Variants in MAN2A2 observed in about 807,000 individuals in gnomAD.
The protein encoded by MAN2A2 is alpha-mannosidase 2x.
In MAN2A2, 79 loss-of-function variants were observed where a neutral mutation model predicts 126.8. That is an observed-to-expected ratio of 0.62 (90% confidence interval 0.52 to 0.75). The LOEUF (loss-of-function observed/expected upper bound fraction) is 0.75, where lower values mean the gene tolerates loss of function less well. MAN2A2 is among the 30% of genes least tolerant of loss of function. MAN2A2 has a pLI of 0.00. For missense variants in MAN2A2, 1,392 were observed against 1,522.4 expected, an observed-to-expected ratio of 0.91 and a Z score of 1.43; for synonymous variants, 671 against 618.7, an observed-to-expected ratio of 1.08 and a Z score of -1.25.
Position 90,907,322 on chromosome 15 carries a change from C to T in MAN2A2, c.1023C>T (p.Ser341=). Residue 341 remains serine, a synonymous_variant, in exon 8 of 23, where the codon AGC becomes AGT. Transcript: ENST00000559717. ...TGTCTCCTGCAGACTCGGACTCCAG[C>T]ACAGACATCTTCTGTCACATGATGC... is the stretch of plus-strand genomic sequence containing the variant. ...MWRQTWDSDS[S]TDIFCHMMPF... is the part of the protein sequence containing the mutation. 6.2e-7 allele frequency: 1 copy of T among 1,613,898 alleles called. No individual in the cohort carries two copies. The highest frequency in any genetic ancestry group is 1.3e-5 in the African/African-American group (1 of 75,060).
chr15:90,913,310 G>A lies in MAN2A2; in HGVS notation c.2622G>A (p.Val874=), dbSNP rs1216283838. ...TGTCTCTGGACATATCATCCCTGGTGGACATCCGGGACTACGTCAACAAGG... is the reference window on the plus strand; with the variant it reads ...TGTCTCTGGACATATCATCCCTGGTAGACATCCGGGACTACGTCAACAAGG... ...EGLSLDISSL[V]DIRDYVNKEL... The change falls in exon 18 of 23, where the codon GTG becomes GTA. Residue 874 remains valine (V), a synonymous_variant. Coordinates refer to ENST00000559717, the MANE Select transcript of MAN2A2 (RefSeq NM_006122.4). The A allele has an allele frequency of 2.5e-6, 4 of 1,614,036 alleles. No individual in the cohort carries two copies. Among genetic ancestry groups the A allele is most frequent in the South Asian group, 1.1e-5 (1 of 91,074 alleles).
At chr15:90,912,757 T>A in intron 16 of MAN2A2, 93 bp downstream of exon 16, 2 of 1,585,872 alleles carry the variant, frequency 1.3e-6, no homozygotes, top group South Asian at 2.3e-5. Context: ...AGGGGCCTTG[T>A]CTTTCCTGTT....
chr15:90,913,170 G>A, intron 17 of MAN2A2, 103 bp from the exon 18 acceptor site: 3 of 1,436,304 alleles, frequency 2.1e-6, no homozygotes, highest in Non-Finnish European at 2.9e-6. Context: ...TTGGGAGGTT[G>A]GACAGAGCCT....
chr15:90,905,227 G>C (rs745912948), intron 2 of MAN2A2, 24 bp from the exon 3 acceptor site: 5 of 1,606,848 alleles, frequency 3.1e-6, no homozygotes, highest in Non-Finnish European at 4.2e-6. Flanking sequence ...AGCTGTGTGT[G>C]ATTGCTTTCT....
intron 11 of MAN2A2, 69 bp downstream of exon 11, chr15:90,910,752 CAG>C: frequency 2.5e-6 from 4 of 1,602,896 alleles, no homozygotes; most frequent in Non-Finnish European, 3.4e-6. Flanking sequence ...ATTGGGTGGT[CAG>C]GGGGTAGGCC....
At position 90,912,264 on chromosome 15, in the gene MAN2A2, T is replaced by C; in HGVS notation, c.2331T>C (p.Leu777=). 6.2e-7 allele frequency: 1 copy of C among 1,614,202 alleles called. No homozygotes were observed. The highest frequency in any genetic ancestry group is 2.2e-5 in the East Asian group (1 of 44,888). ...ACATGCAGGTCTGGTTCTCAGGCCT[T>C]ACTGGGCTCCTCAAGGTAAAAGGCC... ...NRYMQVWFSG[L]TGLLKSIRRV... Residue 777 remains leucine (L), a synonymous_variant, in exon 15 of 23, where the codon CTT becomes CTC. Transcript: ENST00000559717.
Position 90,910,890 on chromosome 15 carries a change from G to A in MAN2A2, c.1804G>A (p.Ala602Thr). 6.2e-7 allele frequency: 1 copy of A among 1,614,140 alleles called. No homozygotes were observed. The highest frequency in any genetic ancestry group is 8.5e-7 in the Non-Finnish European group (1 of 1,180,026). The change falls in exon 12 of 23, where the codon GCA becomes ACA. Residue 602 changes from alanine (A) to threonine (T), a missense_variant. By Grantham distance (58) the Ala-to-Thr change is moderately conservative. Coordinates refer to ENST00000559717, the MANE Select transcript of MAN2A2 (RefSeq NM_006122.4). ...CAACCTGAAGCAGGTCATCATTCAT[G>A]CAGCCCACTATCTGGTGCTGGGGGA... ...LVNLKQVIIHAAHYLVLGDKE... is the reference protein window; with the variant it reads ...LVNLKQVIIHTAHYLVLGDKE...
intron 2 of MAN2A2, among the ~76,000 whole-genome samples, chr15:90,904,670 A>G (rs2034122072): frequency 2.0e-5 from 3 of 151,132 alleles, no homozygotes; most frequent in Non-Finnish European, 4.4e-5. Flanking sequence ...GCTCACTGCA[A>G]CCTCCGCCTC....
At chr15:90,909,993 G>A (rs2034596778) in intron 9 of MAN2A2, 97 bp from the exon 10 acceptor site, 6 of 1,065,238 alleles carry the variant, frequency 5.6e-6, no homozygotes, top group Non-Finnish European at 6.9e-6. Context: ...CTGCTTCTGA[G>A]GCCAGAGCCC....
rs1207368194 is a variant in MAN2A2 at position 90,904,300 on chromosome 15, C to T, written c.93C>T (p.His31=). 1 of 1,614,134 alleles carries T rather than the reference C, an allele frequency of 6.2e-7. No homozygotes were observed. The highest frequency in any genetic ancestry group is 2.2e-5 in the East Asian group (1 of 44,878). The change falls in exon 2 of 23, where the codon CAC becomes CAT. Residue 31 remains histidine, a synonymous_variant. Coordinates refer to ENST00000559717, the MANE Select transcript of MAN2A2 (RefSeq NM_006122.4). ...ACCTCATGCTGGACCGAGTGCAACACGATCCCACCCGACACCAGAATGGTG... is the reference window on the plus strand; with the variant it reads ...ACCTCATGCTGGACCGAGTGCAACATGATCCCACCCGACACCAGAATGGTG... ...SLYLMLDRVQ[H]DPTRHQNGGN...
chr15:90,910,125 C>T lies in MAN2A2; in HGVS notation c.1410C>T (p.Ala470=), dbSNP rs145832121. 358 of 1,613,766 alleles carry T rather than the reference C, an allele frequency of 2.2e-4. 1 individual carries two copies. The African/African-American group carries it at 3.9e-3, about 18-fold the overall frequency. The stretch of plus-strand genomic sequence containing the variant: ...GCACTCTTTCTGACTATTTTGATGC[C>T]CTGTACAAGAGGACAGGGGTGGAGC... ...QFGTLSDYFD[A]LYKRTGVEPG... is the part of the protein sequence containing the mutation. Residue 470 remains alanine, a synonymous_variant, in exon 10 of 23, where the codon GCC becomes GCT. Coordinates refer to ENST00000559717, the MANE Select transcript of MAN2A2 (RefSeq NM_006122.4).
chr15:90,909,193 A>T, intron 8 of MAN2A2, 134 bp from the exon 9 acceptor site: 1 of 722,972 alleles, frequency 1.4e-6, no homozygotes, highest in Non-Finnish European at 2.2e-6. Flanking sequence ...CATGTGCAGG[A>T]GGTGTCTGTT....
rs1456370151 is a variant in MAN2A2 at position 90,921,096 on chromosome 15, C to T, written c.*1309C>T. 3.9e-5 allele frequency: 6 copies of T among 152,176 alleles called. No individual in the cohort carries two copies. The highest frequency in any genetic ancestry group is 3.4e-3 in the Middle Eastern group (1 of 294). The allele number at this position is 152,176 out of a possible 1,614,324, so 9.4% of individuals were successfully genotyped here. On this transcript the variant is annotated 3_prime_UTR_variant, in exon 23 of 23. Coordinates refer to ENST00000559717, the MANE Select transcript of MAN2A2 (RefSeq NM_006122.4). The stretch of plus-strand genomic sequence containing the variant: ...GGCAAGCTATTATTCAGCAGTGTCC[C>T]GGCACTACTAACCCCTGCAACAAGC...
intron 2 of MAN2A2, among the ~76,000 whole-genome samples, chr15:90,904,891 A>T (rs1328354695): frequency 6.6e-6 from 1 of 152,238 alleles, no homozygotes; most frequent in Non-Finnish European, 1.5e-5. Flanking sequence ...CACCGCGCCC[A>T]GCCCCTCCTG....
chr15:90,906,622 G>A (rs1230714545), intron 6 of MAN2A2, 118 bp from the exon 7 acceptor site: 1 of 1,567,862 alleles, frequency 6.4e-7, no homozygotes, highest in Non-Finnish European at 8.7e-7. Flanking sequence ...TGGGCCTGGT[G>A]TGATATCATC....
chr15:90,905,556 C>G (rs1408989911), intron 3 of MAN2A2, 23 bp from the exon 4 acceptor site: 1 of 1,614,162 alleles, frequency 6.2e-7, no homozygotes, highest in African/African-American at 1.3e-5. Context: ...GACTGGGGTA[C>G]TGAGCTGCAG....
chr15:90,911,153 C>T lies in MAN2A2; in HGVS notation c.1876-18C>T, dbSNP rs758075602. ...TGAGCCCATGATGGTTCTTCCCTTC[C>T]GGCTCACTGAATTCCAGGATGACAC... is the stretch of plus-strand genomic sequence containing the variant. On this transcript the variant is annotated intron_variant, in intron 12 of 22. Transcript: ENST00000559717. 1.6e-5 allele frequency: 26 copies of T among 1,613,140 alleles called. No individual in the cohort carries two copies. The highest frequency in any genetic ancestry group is 8.9e-5 in the East Asian group (4 of 44,850).
intron 10 of MAN2A2, 58 bp downstream of exon 10, chr15:90,910,350 G>A: frequency 1.9e-6 from 3 of 1,601,200 alleles, no homozygotes; most frequent in Non-Finnish European, 2.6e-6. Context: ...TGGGGTTTAA[G>A]GAGGGGCTGG....
chr15:90,912,655 C>A lies in MAN2A2; in HGVS notation c.2460C>A (p.Gly820=). 6.2e-7 allele frequency: 1 copy of A among 1,614,074 alleles called. No homozygotes were observed. Among genetic ancestry groups the A allele is most frequent in the Non-Finnish European group, 8.5e-7 (1 of 1,180,022 alleles). ...KSGAYLFLPD[G]EAKPYVPKEP... is the part of the protein sequence containing the mutation. Reference sequence around the variant, plus strand: ...GAGCCTACCTCTTCCTGCCCGATGGCGAGGCCAAGGTATCCTAAAGATGCC... The same window carrying A: ...GAGCCTACCTCTTCCTGCCCGATGGAGAGGCCAAGGTATCCTAAAGATGCC... Residue 820 remains glycine, a synonymous_variant, in exon 16 of 23, where the codon GGC becomes GGA. Transcript: ENST00000559717.
Sources: gnomAD v4.1 joint callset for allele counts (sites outside exome capture counted in the v4.1 genomes callset) on GRCh38, gnomAD v4.1.1 for gene constraint, MANE v1.5 for transcripts, NCBI Gene and HGNC (gene_info 2026-07-23, HGNC 2026-07-21) for gene names.